The following CLEC1B variants were observed in gnomAD, a reference collection of about 807,000 sequenced individuals.
The protein encoded by CLEC1B is C-type lectin domain family 1 member B, also known as C-type lectin-like receptor 2.
Under a neutral mutation model 26.7 loss-of-function variants are expected in CLEC1B, and 26 were observed. The observed-to-expected ratio is 0.97, with a 90% CI of 0.71 to 1.35. The LOEUF (loss-of-function observed/expected upper bound fraction) is 1.35. Among genes scored for constraint, CLEC1B ranks in the 40% most tolerant of loss-of-function variants. CLEC1B has a pLI of 0.00. For synonymous variants in CLEC1B, 112 were observed against 96.0 expected (o/e 1.17, Z -0.97); for missense variants, 293 against 282.6 (o/e 1.04, Z -0.26).
In CLEC1B at chr12:9,995,180, C is replaced by T; in HGVS notation, c.505G>A (p.Val169Ile). The T allele has an allele frequency of 6.2e-7, 1 of 1,613,136 alleles. No homozygotes were observed. The highest frequency in any genetic ancestry group is 8.5e-7 in the Non-Finnish European group (1 of 1,179,204). ...ACCGAGCCATCCTCCCACTTCCAGA[C>T]CTCATTCGACTTCTGGCGAGATAAT... ...VGLSRQKSNEVWKWEDGSVIS... is the reference protein window; with the variant it reads ...VGLSRQKSNEIWKWEDGSVIS... Residue 169 changes from valine (V) to isoleucine (I), a missense_variant, in exon 5 of 6, where the codon GTC (valine) becomes ATC (isoleucine). Coordinates refer to ENST00000298527, the MANE Select transcript of CLEC1B (RefSeq NM_016509.4).
chr12:9,999,148 A>G (rs118077922), upstream of CLEC1B: 11,531 of 1,298,026 alleles, frequency 8.9e-3, 141 homozygotes, highest in Admixed American at 0.045. Context: ...GACTTTGCAA[A>G]ATGTAGTTTC....
intron 4 of CLEC1B, chr12:9,995,645 G>T: frequency 4.3e-6 from 1 of 231,732 alleles, no homozygotes; most frequent in South Asian, 5.2e-5. Context: ...AGCCCTACCT[G>T]CTTTGGTTTT....
At chr12:10,000,315 C>T (rs1420647235), upstream of CLEC1B, among the ~76,000 whole-genome samples, 1 of 152,192 alleles carries the variant, frequency 6.6e-6, no homozygotes, top group Admixed American at 6.5e-5. Flanking sequence ...CTATCTCCTT[C>T]ACTCTGAATT....
chr12:9,998,966 AG>A, intron 1 of CLEC1B, 70 bp downstream of exon 1: 1 of 884,232 alleles, frequency 1.1e-6, no homozygotes, highest in Non-Finnish European at 1.9e-6. Context: ...TATCAATAGT[AG>A]AAAAAGAAAG....
intron 1 of CLEC1B, 152 bp from the exon 2 acceptor site, chr12:9,998,532 A>G (rs893192390): frequency 3.8e-6 from 2 of 519,980 alleles, no homozygotes; most frequent in Non-Finnish European, 7.1e-6. Flanking sequence ...CCTCATGATC[A>G]TCAACAATAG....
At chr12:9,996,756 G>A in intron 4 of CLEC1B, 90 bp downstream of exon 4, 1 of 1,362,684 alleles carries the variant, frequency 7.3e-7, no homozygotes, top group Non-Finnish European at 1.0e-6. Context: ...AAGATGTTAA[G>A]AAAAATGTAA....
At position 9,993,076 on chromosome 12, in the gene CLEC1B, G is replaced by A. The variant is rs982645397; in HGVS notation, c.*67C>T. On this transcript the variant is annotated 3_prime_UTR_variant, in exon 6 of 6. Coordinates refer to ENST00000298527, the MANE Select transcript of CLEC1B (RefSeq NM_016509.4). ...AAATAAGCAATTTTCAGCTACTGATGCATTCATACATATCTTTTATTGTAC... is the reference window on the plus strand; with the variant it reads ...AAATAAGCAATTTTCAGCTACTGATACATTCATACATATCTTTTATTGTAC... 9.9e-6 allele frequency: 14 copies of A among 1,407,332 alleles called. No individual in the cohort carries two copies. The African/African-American group carries it at 1.9e-4, about 19-fold the overall frequency. 87.2% of individuals were successfully genotyped at this position (1,407,332 alleles called of 1,614,324 possible).
upstream of CLEC1B, among the ~76,000 whole-genome samples, chr12:10,000,461 G>A (rs1865145323): frequency 6.6e-6 from 1 of 152,032 alleles, no homozygotes; most frequent in South Asian, 2.1e-4. Flanking sequence ...GCCAAACTTA[G>A]TATGATTCAA....
chr12:9,998,209 G>T, intron 2 of CLEC1B, 73 bp downstream of exon 2: 1 of 1,123,390 alleles, frequency 8.9e-7, no homozygotes, highest in Non-Finnish European at 1.4e-6. Flanking sequence ...CCATTGAGAA[G>T]CTTAGTGGGA....
intron 5 of CLEC1B, among the ~76,000 whole-genome samples, chr12:9,993,618 T>C (rs998028899): frequency 1.1e-4 from 16 of 152,086 alleles, no homozygotes; most frequent in African/African-American, 3.6e-4. Flanking sequence ...TAGTTCGGTA[T>C]TGATGGAAGG....
intron 2 of CLEC1B, among the ~76,000 whole-genome samples, chr12:9,997,532 G>A (rs574966728): frequency 5.9e-5 from 9 of 152,196 alleles, no homozygotes; most frequent in Middle Eastern, 3.4e-3. Flanking sequence ...TCCCAACATC[G>A]ATAACATCCC....
At position 9,995,033 on chromosome 12, in the gene CLEC1B, G is replaced by C. The variant is rs746607238; in HGVS notation, c.545+107C>G. ...TTTGAATTAGCAGGTAAGTGACCCA[G>C]CTGCTGCTTCTATAACCCATAGTAG... is the stretch of plus-strand genomic sequence containing the variant. On this transcript the variant is annotated intron_variant, in intron 5 of 5. Coordinates refer to ENST00000298527, the MANE Select transcript of CLEC1B (RefSeq NM_016509.4). 1.4e-5 allele frequency: 22 copies of C among 1,582,310 alleles called. No homozygotes were observed. The South Asian group carries it at 2.4e-4, about 18-fold the overall frequency.
chr12:9,998,260 T>C, intron 2 of CLEC1B, 22 bp downstream of exon 2: 1 of 1,595,144 alleles, frequency 6.3e-7, no homozygotes, highest in Non-Finnish European at 8.6e-7. Context: ...CCAGTCAAAT[T>C]TCTGGCAGAG....
chr12:9,996,184 G>A (rs892582311), intron 4 of CLEC1B, among the ~76,000 whole-genome samples: 1 of 152,030 alleles, frequency 6.6e-6, no homozygotes. Context: ...TAAAGCTTGA[G>A]CCACCGGGAA....
upstream of CLEC1B, among the ~76,000 whole-genome samples, chr12:10,000,758 G>C (rs1165516075): frequency 2.0e-5 from 3 of 152,104 alleles, no homozygotes; most frequent in African/African-American, 7.2e-5. Context: ...TGGAAGATTG[G>C]GGTTGGAATG....
intron 4 of CLEC1B, 189 bp from the exon 5 acceptor site, chr12:9,995,435 A>G (rs867299312): frequency 1.4e-5 from 8 of 565,274 alleles, no homozygotes; most frequent in Middle Eastern, 5.7e-4. Flanking sequence ...AAAAACTTAT[A>G]GGACACAGGT....
At chr12:9,993,397 A>G (rs921017517) in intron 5 of CLEC1B, 110 bp from the exon 6 acceptor site, 23 of 658,768 alleles carry the variant, frequency 3.5e-5, no homozygotes, top group Middle Eastern at 5.0e-4. Flanking sequence ...GGAAAATAGG[A>G]AAAAAAAACA....
chr12:9,998,992 A>T (rs777173601), intron 1 of CLEC1B, 45 bp downstream of exon 1: 1 of 1,122,310 alleles, frequency 8.9e-7, no homozygotes, highest in Non-Finnish European at 1.3e-6. Flanking sequence ...GAATCAACTC[A>T]TTTTTTAAAT....
chr12:9,999,064 T>C lies in CLEC1B; in HGVS notation c.37A>G (p.Lys13Glu), dbSNP rs562355555. 26 of 1,608,550 alleles carry C rather than the reference T, an allele frequency of 1.6e-5. No homozygotes were observed. In the African/African-American group the frequency reaches 3.1e-4, roughly 19 times the overall value. Residue 13 changes from lysine to glutamate, a missense_variant, in exon 1 of 6, where the codon AAA (lysine) becomes GAA (glutamate). Transcript: ENST00000298527. ...DEDGYITLNIKTRKPALISVG... is the reference protein window; with the variant it reads ...DEDGYITLNIETRKPALISVG... ...GAGATGAGAGCTGGTTTCCGAGTTT[T>C]AATATTTAAGGTGATGTATCCATCT...
Sources: allele counts gnomAD v4.1 joint callset (sites outside exome capture counted in the v4.1 genomes callset), GRCh38; gene constraint gnomAD v4.1.1; transcripts MANE v1.5; gene names NCBI Gene and HGNC (gene_info 2026-07-23, HGNC 2026-07-21).